SP100: variants seen among roughly 807,000 people sequenced by gnomAD.
SP100 encodes nuclear autoantigen Sp-100.
A neutral mutation model predicts 130.0 loss-of-function variants in SP100; 84 were observed. The observed-to-expected ratio is 0.65, with a 90% CI of 0.54 to 0.77. SP100 has a LOEUF of 0.77. Among genes scored for constraint, SP100 ranks in the 30% least tolerant of loss-of-function variants. The probability of loss-of-function intolerance (pLI) is 0.00; values close to 1 mark genes in which losing one functional copy is unlikely to be tolerated. For missense variants in SP100, 978 were observed against 1,052.2 expected (o/e 0.93, Z 0.97); for synonymous variants, 331 against 351.7 (o/e 0.94, Z 0.66).
chr2:230,536,883 G>T (rs1691965687), intron 24 of SP100, among the ~76,000 whole-genome samples: 1 of 152,142 alleles, frequency 6.6e-6, no homozygotes, highest in East Asian at 1.9e-4. Context: ...GTCACATTTT[G>T]ATTCTTTTCA....
At chr2:230,456,597 C>T (rs2064286317) in intron 8 of SP100, among the ~76,000 whole-genome samples, 1 of 152,040 alleles carries the variant, frequency 6.6e-6, no homozygotes. Flanking sequence ...TTCTTCATGA[C>T]TTTTCATTCT....
At chr2:230,452,305 G>A (rs142026330) in intron 8 of SP100, among the ~76,000 whole-genome samples, 2 of 151,974 alleles carry the variant, frequency 1.3e-5, no homozygotes, top group Non-Finnish European at 2.9e-5. Context: ...AGCCTCCTGA[G>A]TAGCTGGGAT....
At chr2:230,526,620 C>T (rs182411599) in intron 24 of SP100, among the ~76,000 whole-genome samples, 44 of 152,228 alleles carry the variant, frequency 2.9e-4, no homozygotes, top group African/African-American at 9.6e-4. Flanking sequence ...CTTCTCCGAG[C>T]TAAAAGGTCA....
chr2:230,521,082 T>A (rs565108786), intron 24 of SP100, among the ~76,000 whole-genome samples: 1 of 152,326 alleles, frequency 6.6e-6, no homozygotes, highest in Non-Finnish European at 1.5e-5. Flanking sequence ...CAAGGTAGGT[T>A]AATCTGGAAG....
chr2:230,528,357 T>A (rs531312692), intron 24 of SP100, among the ~76,000 whole-genome samples: 1 of 152,278 alleles, frequency 6.6e-6, no homozygotes, highest in African/African-American at 2.4e-5. Context: ...AAGGCAGAAA[T>A]AAATATGTTC....
chr2:230,515,963 G>C, intron 24 of SP100: 4 of 1,031,418 alleles, frequency 3.9e-6, no homozygotes, highest in Non-Finnish European at 4.7e-6. Flanking sequence ...AGTTGTCTCT[G>C]ATGTAGCTTA....
At chr2:230,533,697 G>A (rs1023907963) in intron 24 of SP100, among the ~76,000 whole-genome samples, 22 of 152,158 alleles carry the variant, frequency 1.4e-4, no homozygotes, top group African/African-American at 5.1e-4. Flanking sequence ...GGCAGATGTG[G>A]ACATGTGAGA....
At chr2:230,422,405 A>G (rs138636448) in intron 2 of SP100, among the ~76,000 whole-genome samples, 1 of 152,292 alleles carries the variant, frequency 6.6e-6, no homozygotes, top group African/African-American at 2.4e-5. Flanking sequence ...AGCTCTGTGC[A>G]AGGAATGCCT....
At chr2:230,541,129 C>T in intron 26 of SP100, 133 bp downstream of exon 26, 2 of 1,264,934 alleles carry the variant, frequency 1.6e-6, no homozygotes, top group Non-Finnish European at 2.2e-6. Context: ...GCTCCATGAC[C>T]TAACGCTACA....
chr2:230,493,407 G>C (rs1419120118), intron 17 of SP100, among the ~76,000 whole-genome samples: 7 of 152,064 alleles, frequency 4.6e-5, no homozygotes, highest in African/African-American at 7.2e-5. Context: ...AGGAGAGATG[G>C]GGTTTTGCCA....
chr2:230,526,644 C>T (rs939916169), intron 24 of SP100, among the ~76,000 whole-genome samples: 1 of 152,110 alleles, frequency 6.6e-6, no homozygotes, highest in Admixed American at 6.6e-5. Context: ...TCTAACCCAC[C>T]ACAAGGAAGC....
At chr2:230,506,528 C>T (rs1313574501) in intron 22 of SP100, 83 bp downstream of exon 22, 1 of 1,403,816 alleles carries the variant, frequency 7.1e-7, no homozygotes. Flanking sequence ...TTTCTCAGTG[C>T]CCAGAAATTC....
chr2:230,436,402 GGAGGT>G (rs2063268530), intron 2 of SP100, among the ~76,000 whole-genome samples: 1 of 152,024 alleles, frequency 6.6e-6, no homozygotes, highest in African/African-American at 2.4e-5. Context: ...GAGACCAGAT[GGAGGT>G]AATTGAATCA....
intron 22 of SP100, 41 bp downstream of exon 22, chr2:230,506,486 T>C (rs775133031): frequency 1.9e-6 from 3 of 1,604,544 alleles, no homozygotes; most frequent in African/African-American, 2.7e-5. Context: ...GATTTAGCTG[T>C]CATGCTTCAC....
chr2:230,514,220 G>A (rs899634702), intron 24 of SP100, among the ~76,000 whole-genome samples: 1 of 152,186 alleles, frequency 6.6e-6, no homozygotes, highest in Non-Finnish European at 1.5e-5. Context: ...AGTTGCTGTT[G>A]CTAGTCTTCA....
intron 11 of SP100, among the ~76,000 whole-genome samples, chr2:230,465,913 G>A (rs764039121): frequency 5.3e-5 from 8 of 152,064 alleles, no homozygotes; most frequent in South Asian, 4.2e-4. Context: ...GGCAGGGCAC[G>A]ATGGCTCAGG....
At chr2:230,512,324 C>T (rs528305932) in intron 24 of SP100, among the ~76,000 whole-genome samples, 1 of 127,564 alleles carries the variant, frequency 7.8e-6, no homozygotes, top group Admixed American at 9.3e-5. Flanking sequence ...GAGTCTCGCT[C>T]CATTGCCCAG....
At chr2:230,515,723 T>C in intron 24 of SP100, 1 of 1,524,376 alleles carries the variant, frequency 6.6e-7, no homozygotes, top group East Asian at 2.2e-5. Flanking sequence ...AGAAAAAAAC[T>C]TCAACGTAAG....
chr2:230,533,508 C>T (rs773205588), intron 24 of SP100, among the ~76,000 whole-genome samples: 3 of 152,188 alleles, frequency 2.0e-5, no homozygotes, highest in Non-Finnish European at 4.4e-5. Flanking sequence ...TGTTAAGTTA[C>T]AGGGCTTTAA....
Sources: gnomAD v4.1 joint callset for allele counts (sites outside exome capture counted in the v4.1 genomes callset) on GRCh38, gnomAD v4.1.1 for gene constraint, MANE v1.5 for transcripts, NCBI Gene and HGNC (gene_info 2026-07-23, HGNC 2026-07-21) for gene names.